Variants in LIMK1 observed in about 807,000 individuals in gnomAD.
LIMK1 encodes the protein LIM motif-containing protein kinase.
A neutral mutation model predicts 77.6 loss-of-function variants in LIMK1; 21 were observed. The ratio of observed to expected loss-of-function variants is 0.27; its 90% CI spans 0.19 to 0.39. LIMK1 has a LOEUF of 0.39. Among genes scored for constraint, LIMK1 ranks in the 10% least tolerant of loss-of-function variants. The probability of loss-of-function intolerance (pLI) is 1.00; values close to 1 mark genes in which losing one functional copy is unlikely to be tolerated. For missense variants in LIMK1, 696 were observed against 901.6 expected, an observed-to-expected ratio of 0.77 and a Z score of 2.92; for synonymous variants, 358 against 370.0, an observed-to-expected ratio of 0.97 and a Z score of 0.37.
At chr7:74,111,433 A>C (rs934876520) in intron 10 of LIMK1, 76 of 557,318 alleles carry the variant, frequency 1.4e-4, no homozygotes, top group Non-Finnish European at 2.1e-4. Context: ...GTGAGACTCC[A>C]TCTAAAGAAA....
intron 5 of LIMK1, among the ~76,000 whole-genome samples, chr7:74,102,484 C>CTTTTTTTCTTTTTCTTTTTCTTTTTTT (rs1799482746): frequency 1.9e-5 from 1 of 54,042 alleles, no homozygotes; most frequent in Non-Finnish European, 3.5e-5. Flanking sequence ...AGGACCTTCT[C>CTTTTTTTCTTTTTCTTTTTCTTTTTTT]TTTTTTTTTT....
intron 2 of LIMK1, among the ~76,000 whole-genome samples, chr7:74,086,150 G>T (rs1477130439): frequency 6.6e-6 from 1 of 151,484 alleles, no homozygotes; most frequent in Non-Finnish European, 1.5e-5. Context: ...GGCTCACGCA[G>T]TTCTCCTGTG....
In LIMK1 at chr7:74,111,828, C is replaced by T. The variant is rs1444309910; in HGVS notation, c.1345-105C>T. 1.5e-5 allele frequency: 22 copies of T among 1,436,544 alleles called. No individual in the cohort carries two copies. The African/African-American group carries it at 1.5e-4, about 10-fold the overall frequency. The allele number at this position is 1,436,544 out of a possible 1,614,324, so 89.0% of individuals were successfully genotyped here. The stretch of plus-strand genomic sequence containing the variant: ...GATGGGAGAGTGGGAAGAATCGTCC[C>T]GACTGGCCTGATTGGGGTGGGAGCA... On this transcript the variant is annotated intron_variant, in intron 11 of 15. Coordinates refer to ENST00000336180, the MANE Select transcript of LIMK1 (RefSeq NM_002314.4).
intron 13 of LIMK1, among the ~76,000 whole-genome samples, chr7:74,118,642 C>T (rs1207390538): frequency 5.9e-5 from 9 of 151,452 alleles, no homozygotes; most frequent in Admixed American, 2.0e-4. Context: ...CCCAGCTACT[C>T]AGGAGGCTGA....
Position 74,106,121 on chromosome 7 carries a change from C to T in LIMK1, c.759C>T (p.Thr253=), listed in dbSNP as rs782517071. Residue 253 remains threonine (T), a synonymous_variant, in exon 7 of 16, where the codon ACC becomes ACT. Transcript: ENST00000336180. ...IQETSRLLQL[T]LEHDPHDTLG... ...AAACCAGCCGCCTGCTCCAGCTGAC[C>T]CTCGAGCATGACCCTCACGATACAC... 9.9e-6 allele frequency: 16 copies of T among 1,614,020 alleles called. No homozygotes were observed. Among genetic ancestry groups the T allele is most frequent in the African/African-American group, 2.7e-5 (2 of 74,930 alleles).
chr7:74,099,033 G>A lies in LIMK1; in HGVS notation c.403G>A (p.Gly135Arg), dbSNP rs781817349. 8.1e-6 allele frequency: 13 copies of A among 1,606,118 alleles called. No individual in the cohort carries two copies. The highest frequency in any genetic ancestry group is 5.3e-5 in the African/African-American group (4 of 74,902). ...TTCCCACCCCGGCGGCTCTTGCAGCGGGCACTGCTACTACCAGACTGTGGT... is the reference window on the plus strand; with the variant it reads ...TTCCCACCCCGGCGGCTCTTGCAGCAGGCACTGCTACTACCAGACTGTGGT... ...TLVEHSKLYC[G>R]HCYYQTVVTP... Residue 135 changes from glycine (G) to arginine (R), a missense_variant and splice_region_variant, in exon 5 of 16, where the codon GGG (glycine) becomes AGG (arginine). By Grantham distance (125) the Gly-to-Arg change is moderately radical. Transcript: ENST00000336180.
At chr7:74,112,105 A>G (rs1218461753) in intron 12 of LIMK1, 107 bp downstream of exon 12, 5 of 888,852 alleles carry the variant, frequency 5.6e-6, no homozygotes, top group African/African-American at 3.3e-5. Context: ...TGTTGCCTCC[A>G]TGACTTCAAT....
intron 5 of LIMK1, among the ~76,000 whole-genome samples, chr7:74,104,878 G>A (rs1257397458): frequency 6.6e-6 from 1 of 152,076 alleles, no homozygotes. Context: ...CACTAATCCG[G>A]GACCTTTTTG....
chr7:74,088,171 T>C (rs1332304937), intron 2 of LIMK1, among the ~76,000 whole-genome samples: 2 of 152,236 alleles, frequency 1.3e-5, no homozygotes, highest in African/African-American at 4.8e-5. Context: ...ATATTAGTGC[T>C]GTCTTTGTTT....
intron 2 of LIMK1, among the ~76,000 whole-genome samples, chr7:74,091,741 A>G (rs1799240819): frequency 1.3e-5 from 2 of 152,118 alleles, no homozygotes; most frequent in South Asian, 2.1e-4. Flanking sequence ...ATTGGGGGAC[A>G]GCACTCTCAG....
intron 13 of LIMK1, 37 bp from the exon 14 acceptor site, chr7:74,120,546 A>T (rs1554700357): frequency 6.2e-7 from 1 of 1,611,264 alleles, no homozygotes; most frequent in Non-Finnish European, 8.5e-7. Context: ...TGGCACCCCC[A>T]TGTGTTCATC....
At chr7:74,108,823 G>C (rs2115718511) in intron 9 of LIMK1, 82 bp from the exon 10 acceptor site, 2 of 1,553,304 alleles carry the variant, frequency 1.3e-6, no homozygotes, top group East Asian at 4.6e-5. Flanking sequence ...ACAGCCCCTG[G>C]TGGGATGGAA....
rs782742428 is a variant in LIMK1, at chr7:74,107,152, G to C, written c.1024G>C (p.Gly342Arg). ...CTTCCGGCCGTCGGACCTCATCCAC[G>C]GGGAGGTGCTGGGCAAGGGCTGCTT... ...RIFRPSDLIH[G>R]EVLGKGCFGQ... is the part of the protein sequence containing the mutation. Residue 342 changes from glycine (G) to arginine (R), a missense_variant, in exon 8 of 16, where the codon GGG (glycine) becomes CGG (arginine). Gly to Arg is a moderately radical substitution (Grantham distance 125). Transcript: ENST00000336180. The C allele has an allele frequency of 6.2e-7, 1 of 1,612,882 alleles. No homozygotes were observed. Among genetic ancestry groups the C allele is most frequent in the African/African-American group, 1.3e-5 (1 of 74,950 alleles).
chr7:74,093,250 A>G, intron 2 of LIMK1: 1 of 1,535,956 alleles, frequency 6.5e-7, no homozygotes, highest in Non-Finnish European at 8.7e-7. Context: ...GCCACAGAGG[A>G]TGCTGTTGGC....
At position 74,085,771 on chromosome 7, in the gene LIMK1, A is replaced by G. The variant is rs116469048; in HGVS notation, c.79A>G (p.Ser27Gly). ...EEGSELPVCA[S>G]CGQRIYDGQY... is the part of the protein sequence containing the mutation. Reference sequence around the variant, plus strand: ...AGGAAGCGAGTTGCCCGTGTGTGCAAGCTGCGGCCAGAGGATCTATGATGG... The same window carrying G: ...AGGAAGCGAGTTGCCCGTGTGTGCAGGCTGCGGCCAGAGGATCTATGATGG... Residue 27 changes from serine to glycine, a missense_variant, in exon 2 of 16, where the codon AGC becomes GGC. Ser to Gly is a moderately conservative substitution (Grantham distance 56, BLOSUM62 0). This residue lies in a region of LIMK1 where 252 missense variants were observed against 279.4 expected (regional missense o/e 0.90). Transcript: ENST00000336180. 1.9e-6 allele frequency: 3 copies of G among 1,561,448 alleles called. No individual in the cohort carries two copies. Among genetic ancestry groups the G allele is most frequent in the East Asian group, 2.4e-5 (1 of 41,888 alleles).
Position 74,121,588 on chromosome 7 carries a change from G to T in LIMK1, c.*287G>T. ...TCTCCTTGCATGAGCTGGAGGGCCT[G>T]TGTGAGTTACGCCCCTTTCCACACG... On this transcript the variant is annotated 3_prime_UTR_variant, in exon 16 of 16. Coordinates refer to ENST00000336180, the MANE Select transcript of LIMK1 (RefSeq NM_002314.4). 1 of 433,144 alleles carries T rather than the reference G, an allele frequency of 2.3e-6. No homozygotes were observed. Among genetic ancestry groups the T allele is most frequent in the African/African-American group, 2.0e-5 (1 of 49,846 alleles). The allele number at this position is 433,144 out of a possible 1,614,324, so 26.8% of individuals were successfully genotyped here.
At chr7:74,105,703 A>C (rs915098252) in intron 5 of LIMK1, among the ~76,000 whole-genome samples, 172 bp from the exon 6 acceptor site, 2 of 152,088 alleles carry the variant, frequency 1.3e-5, no homozygotes, top group Admixed American at 6.6e-5. Flanking sequence ...AATTGATTAC[A>C]GAATTCCTCC....
intron 3 of LIMK1, 131 bp from the exon 4 acceptor site, chr7:74,096,949 G>A: frequency 9.7e-7 from 1 of 1,030,638 alleles, no homozygotes; most frequent in Non-Finnish European, 1.4e-6. Context: ...CTGTCCAGGA[G>A]CTCAGCAGCT....
intron 13 of LIMK1, among the ~76,000 whole-genome samples, chr7:74,118,377 AAC>A (rs57707215): frequency 0.22 from 29,058 of 129,768 alleles, 3,124 homozygotes; most frequent in African/African-American, 0.26. Flanking sequence ...CTCTGTGTCA[AAC>A]ACACACACAC....
Sources: allele counts gnomAD v4.1 joint callset (sites outside exome capture counted in the v4.1 genomes callset), GRCh38; gene constraint gnomAD v4.1.1; regional missense constraint gnomAD v4.1.1; transcripts MANE v1.5; gene names NCBI Gene and HGNC (gene_info 2026-07-23, HGNC 2026-07-21).